CCDC18: variants seen among roughly 807,000 people sequenced by gnomAD.
The protein encoded by CCDC18 is coiled-coil domain containing 18, also known as coiled-coil domain-containing protein 18.
A neutral mutation model predicts 196.0 loss-of-function variants in CCDC18; 157 were observed. That is an observed-to-expected ratio of 0.80 (90% CI 0.70 to 0.91). The LOEUF (loss-of-function observed/expected upper bound fraction) is 0.91, where lower values mean the gene tolerates loss of function less well. Ranked by LOEUF, CCDC18 falls within the 40% of genes least tolerant of loss-of-function variation. The probability of loss-of-function intolerance (pLI) is 0.00; values close to 1 mark genes in which losing one functional copy is unlikely to be tolerated. For missense variants in CCDC18, 1,465 were observed against 1,611.6 expected (o/e 0.91, Z 1.56); for synonymous variants, 482 against 529.2 (o/e 0.91, Z 1.22).
intron 9 of CCDC18, among the ~76,000 whole-genome samples, chr1:93,208,243 C>T (rs527311182): frequency 1.3e-5 from 2 of 152,316 alleles, no homozygotes; most frequent in South Asian, 2.1e-4. Context: ...TTCTCCACTT[C>T]CTTGCCAACA....
chr1:93,189,783 C>G (rs1262446143), intron 4 of CCDC18, among the ~76,000 whole-genome samples: 1 of 152,152 alleles, frequency 6.6e-6, no homozygotes, highest in East Asian at 1.9e-4. Context: ...CCACCTTAAC[C>G]TCCCAAGTAG....
At chr1:93,179,944 T>C, upstream of CCDC18, 1 of 1,247,310 alleles carries the variant, frequency 8.0e-7, no homozygotes. Context: ...TGAACGGCCC[T>C]CGCCTCTTCA....
intron 6 of CCDC18, among the ~76,000 whole-genome samples, chr1:93,197,342 C>T (rs749397578): frequency 3.3e-5 from 5 of 152,044 alleles, no homozygotes; most frequent in Non-Finnish European, 7.4e-5. Flanking sequence ...TCCCAAATTA[C>T]AGATTTAGCT....
chr1:93,243,965 C>T (rs192044076), intron 21 of CCDC18, among the ~76,000 whole-genome samples: 51 of 152,324 alleles, frequency 3.3e-4, no homozygotes, highest in Middle Eastern at 3.4e-3. Context: ...GTTCCAAAGT[C>T]GCTTCCACAT....
At chr1:93,233,937 C>T (rs954633937) in intron 18 of CCDC18, among the ~76,000 whole-genome samples, 9 of 151,754 alleles carry the variant, frequency 5.9e-5, no homozygotes, top group Non-Finnish European at 1.0e-4. Flanking sequence ...GACTCTCCAT[C>T]CCTTTTGTTA....
At chr1:93,234,252 C>G (rs1017491543) in intron 18 of CCDC18, among the ~76,000 whole-genome samples, 2 of 151,998 alleles carry the variant, frequency 1.3e-5, no homozygotes, top group African/African-American at 4.8e-5. Context: ...ACCTCTGTCT[C>G]CCAGGTTCAA....
intron 27 of CCDC18, chr1:93,269,647 G>A (rs1451867556): frequency 6.6e-6 from 1 of 152,026 alleles, no homozygotes; most frequent in Non-Finnish European, 1.5e-5. Flanking sequence ...TTTAAGAAAA[G>A]GCAAATGTAT....
intron 27 of CCDC18, among the ~76,000 whole-genome samples, chr1:93,265,690 A>T (rs1463018458): frequency 6.6e-6 from 1 of 152,210 alleles, no homozygotes; most frequent in Non-Finnish European, 1.5e-5. Context: ...ATCAAAAGAG[A>T]CCAAGAAGGC....
chr1:93,250,757 G>GT (rs1297102772), intron 23 of CCDC18, among the ~76,000 whole-genome samples: 3 of 148,460 alleles, frequency 2.0e-5, no homozygotes, highest in African/African-American at 7.8e-5. Context: ...TCTGTAGTCT[G>GT]TTTTGTCTAA....
intron 4 of CCDC18, among the ~76,000 whole-genome samples, chr1:93,189,312 T>G (rs1651305737): frequency 6.6e-6 from 1 of 152,264 alleles, no homozygotes; most frequent in South Asian, 2.1e-4. Context: ...ATTCTTATTC[T>G]TCTTTATGGA....
At chr1:93,247,421 T>G (rs1469295837) in intron 23 of CCDC18, among the ~76,000 whole-genome samples, 1 of 152,120 alleles carries the variant, frequency 6.6e-6, no homozygotes, top group African/African-American at 2.4e-5. Flanking sequence ...TTTTTGTTTT[T>G]GTTTGTGTTT....
chr1:93,190,439 A>G (rs540242719), intron 4 of CCDC18, among the ~76,000 whole-genome samples: 2 of 152,348 alleles, frequency 1.3e-5, no homozygotes, highest in South Asian at 2.1e-4. Flanking sequence ...GTGAGCCGAG[A>G]TCGCGCCACT....
At chr1:93,179,993 G>A, upstream of CCDC18, 1 of 1,525,196 alleles carries the variant, frequency 6.6e-7, no homozygotes, top group Non-Finnish European at 8.9e-7. Context: ...AAACGGGTGA[G>A]AGGCGACAAC....
Position 93,226,032 on chromosome 1 carries a change from C to T in CCDC18, c.2176-301C>T, listed in dbSNP as rs74101464. Among the ~76,000 whole-genome samples the T allele has an allele frequency of 8.8e-3, 1,345 of 152,170 alleles. 17 individuals are homozygous for T. Among genetic ancestry groups the T allele is most frequent in the African/African-American group, 0.031 (1,269 of 41,520 alleles). The stretch of plus-strand genomic sequence containing the variant: ...CCCTAGGCTTTTGCCAACTTCTCAC[C>T]ACTCCCTTTCGCAGGGCCTTGCTTC... On this transcript the variant is annotated intron_variant, in intron 16 of 28. Transcript: ENST00000690025.
At position 93,226,430 on chromosome 1, in the gene CCDC18, TAAA is replaced by T. The variant is rs770181366; in HGVS notation, c.2274_2276del (p.Lys761del). 36 of 1,507,986 alleles carry T rather than the reference TAAA, an allele frequency of 2.4e-5. No individual in the cohort carries two copies. Among genetic ancestry groups the T allele is most frequent in the Non-Finnish European group, 3.0e-5 (33 of 1,086,984 alleles). 93.4% of individuals were successfully genotyped at this position (1,507,986 alleles called of 1,614,324 possible). A position where few individuals can be genotyped will look rare whatever the true frequency, so the allele number is the denominator to read the frequency against. On this transcript the variant is annotated inframe_deletion, in exon 17 of 29. Transcript: ENST00000690025. ...AATAAGGAAAAGTTTGAAAAACAGT[TAAA>T]GAAGAAATCTGAAGAGGTAAATTAA...
At chr1:93,247,311 T>C (rs1661614149) in intron 23 of CCDC18, among the ~76,000 whole-genome samples, 1 of 152,212 alleles carries the variant, frequency 6.6e-6, no homozygotes, top group African/African-American at 2.4e-5. Context: ...TCTTGATTTC[T>C]TTTTCACATT....
At chr1:93,257,742 TG>T (rs1222364792) in intron 25 of CCDC18, among the ~76,000 whole-genome samples, 1 of 152,158 alleles carries the variant, frequency 6.6e-6, no homozygotes, top group Non-Finnish European at 1.5e-5. Flanking sequence ...TTATCAATAG[TG>T]TCAAAGTATA....
Position 93,278,688 on chromosome 1 carries a change from T to C in CCDC18, c.*211T>C. On this transcript the variant is annotated 3_prime_UTR_variant, in exon 29 of 29. Coordinates refer to ENST00000690025, the MANE Select transcript of CCDC18 (RefSeq NM_001378204.1). ...TTATTGTTTTTTGGCTTAAACTTGCTGCTTTCTTTTGCTTTTTATATAAAA... is the reference window on the plus strand; with the variant it reads ...TTATTGTTTTTTGGCTTAAACTTGCCGCTTTCTTTTGCTTTTTATATAAAA... 3.0e-6 allele frequency: 1 copy of C among 330,018 alleles called. No individual in the cohort carries two copies. The allele number at this position is 330,018 out of a possible 1,614,324, so 20.4% of individuals were successfully genotyped here.
intron 17 of CCDC18, among the ~76,000 whole-genome samples, chr1:93,228,183 C>T (rs1658704470): frequency 6.6e-6 from 1 of 151,668 alleles, no homozygotes; most frequent in Non-Finnish European, 1.5e-5. Context: ...GGACCCGCTA[C>T]CATTGTTAAG....
Sources: allele counts gnomAD v4.1 joint callset (sites outside exome capture counted in the v4.1 genomes callset), GRCh38; gene constraint gnomAD v4.1.1; transcripts MANE v1.5; gene names NCBI Gene and HGNC (gene_info 2026-07-23, HGNC 2026-07-21).